PDE8B: variants seen among roughly 807,000 people sequenced by gnomAD.
PDE8B encodes the protein phosphodiesterase 8B, also known as high affinity cAMP-specific and IBMX-insensitive 3',5'-cyclic phosphodiesterase 8B.
Under a neutral mutation model 101.3 loss-of-function variants are expected in PDE8B, and 26 were observed. The observed-to-expected ratio is 0.26, with a 90% confidence interval of 0.19 to 0.36. The LOEUF is 0.36. Ranked by LOEUF, PDE8B falls within the 10% of genes least tolerant of loss-of-function variation. PDE8B has a pLI of 1.00. For synonymous variants in PDE8B, 424 were observed against 429.3 expected, an observed-to-expected ratio of 0.99 and a Z score of 0.15; for missense variants, 810 against 1,163.1, an observed-to-expected ratio of 0.70 and a Z score of 4.42.
chr5:77,177,517 T>C, the PDE8B span, among the ~76,000 whole-genome samples: 1 of 152,270 alleles, frequency 6.6e-6, no homozygotes, highest in South Asian at 2.1e-4. Context: ...CTGTAGGTCT[T>C]AGCGACCTCA....
chr5:77,375,909 T>TTTTTGA (rs1786018124), intron 10 of PDE8B, among the ~76,000 whole-genome samples: 2 of 147,438 alleles, frequency 1.4e-5, no homozygotes, highest in Admixed American at 6.8e-5. Context: ...TTTTTTTTTT[T>TTTTTGA]GAGGCGGAGT....
intron 10 of PDE8B, among the ~76,000 whole-genome samples, chr5:77,356,993 GT>G (rs1293999380): frequency 6.6e-6 from 1 of 152,190 alleles, no homozygotes; most frequent in Non-Finnish European, 1.5e-5. Context: ...ACTGTAACCA[GT>G]TTCCCAGGCC....
chr5:77,364,098 G>T (rs1348118058), intron 10 of PDE8B, among the ~76,000 whole-genome samples: 2 of 152,306 alleles, frequency 1.3e-5, no homozygotes, highest in African/African-American at 4.8e-5. Context: ...AGAATCCTGG[G>T]TCTCTTTTAT....
At chr5:77,230,899 T>C (rs1753432040) in intron 1 of PDE8B, among the ~76,000 whole-genome samples, 1 of 152,186 alleles carries the variant, frequency 6.6e-6, no homozygotes, top group African/African-American at 2.4e-5. Context: ...GCACCATTTT[T>C]TGCCACCACA....
intron 14 of PDE8B, chr5:77,410,484 C>T (rs1794333886): frequency 6.6e-6 from 1 of 152,232 alleles, no homozygotes; most frequent in Non-Finnish European, 1.5e-5. Flanking sequence ...ACCTAGTCCT[C>T]AATTTGGCCC....
the PDE8B span, chr5:77,148,354 T>G: frequency 6.6e-6 from 1 of 152,206 alleles, no homozygotes; most frequent in Non-Finnish European, 1.5e-5. Context: ...CATGTACAGT[T>G]TTGTGTGGAC....
At chr5:77,277,943 A>G (rs1764170643) in intron 1 of PDE8B, among the ~76,000 whole-genome samples, 1 of 152,228 alleles carries the variant, frequency 6.6e-6, no homozygotes, top group Non-Finnish European at 1.5e-5. Context: ...ATGTATGCCT[A>G]TCTTTCACAG....
the PDE8B span, among the ~76,000 whole-genome samples, chr5:77,194,666 T>G: frequency 6.6e-6 from 1 of 152,324 alleles, no homozygotes; most frequent in African/African-American, 2.4e-5. Flanking sequence ...TTGCCTATTC[T>G]AGATATTTCA....
chr5:77,299,305 G>A (rs1769350419), intron 1 of PDE8B, among the ~76,000 whole-genome samples: 1 of 151,802 alleles, frequency 6.6e-6, no homozygotes, highest in South Asian at 2.1e-4. Flanking sequence ...AAGTTTTAGG[G>A]TACATGTGCA....
chr5:77,298,350 C>A (rs950168045), intron 1 of PDE8B, among the ~76,000 whole-genome samples: 6 of 152,150 alleles, frequency 3.9e-5, no homozygotes, highest in African/African-American at 1.4e-4. Flanking sequence ...GCCTCTGTTA[C>A]CCTAAGTTTC....
At chr5:77,174,360 A>G in the PDE8B span, among the ~76,000 whole-genome samples, 1 of 152,024 alleles carries the variant, frequency 6.6e-6, no homozygotes, top group Non-Finnish European at 1.5e-5. Context: ...ATGATCCCTT[A>G]CCAAGTCCTA....
At chr5:77,260,581 C>CTTT (rs1561431905) in intron 1 of PDE8B, among the ~76,000 whole-genome samples, 4 of 131,406 alleles carry the variant, frequency 3.0e-5, no homozygotes, top group Non-Finnish European at 1.6e-5. Flanking sequence ...CACTGTGGCT[C>CTTT]ATTTTTTTTT....
chr5:77,244,273 C>CTA (rs956589484), intron 1 of PDE8B, among the ~76,000 whole-genome samples: 1 of 152,144 alleles, frequency 6.6e-6, no homozygotes, highest in Admixed American at 6.5e-5. Flanking sequence ...AGGCTCAGCT[C>CTA]TAGAGAGGAA....
At chr5:77,112,035 TA>T in the PDE8B span, 3 of 152,212 alleles carry the variant, frequency 2.0e-5, no homozygotes, top group Non-Finnish European at 4.4e-5. Flanking sequence ...TGTAATATGT[TA>T]AAATAGTATA....
At chr5:77,223,187 A>G (rs1751561187) in intron 1 of PDE8B, among the ~76,000 whole-genome samples, 1 of 152,090 alleles carries the variant, frequency 6.6e-6, no homozygotes, top group African/African-American at 2.4e-5. Context: ...TTTGACATGT[A>G]CTCAATATAA....
intron 10 of PDE8B, among the ~76,000 whole-genome samples, chr5:77,372,879 T>A (rs1785305237): frequency 6.6e-6 from 1 of 152,176 alleles, no homozygotes; most frequent in African/African-American, 2.4e-5. Context: ...AATACAAAAA[T>A]TAGCTGGGTG....
chr5:77,352,113 T>G (rs931893935), intron 9 of PDE8B, among the ~76,000 whole-genome samples: 1 of 152,214 alleles, frequency 6.6e-6, no homozygotes, highest in Non-Finnish European at 1.5e-5. Context: ...GCTCCCTTTT[T>G]GCTTCACTCT....
intron 5 of PDE8B, among the ~76,000 whole-genome samples, chr5:77,336,153 C>T (rs776920710): frequency 2.0e-5 from 3 of 152,170 alleles, no homozygotes; most frequent in Non-Finnish European, 4.4e-5. Flanking sequence ...GCTTATCTAT[C>T]TGTTCATTCA....
At chr5:77,202,763 G>A in the PDE8B span, among the ~76,000 whole-genome samples, 12 of 152,076 alleles carry the variant, frequency 7.9e-5, no homozygotes, top group Admixed American at 7.2e-4. Context: ...GGGACTACAG[G>A]GGTGTGCCAC....
Sources: gnomAD v4.1 joint callset for allele counts (sites outside exome capture counted in the v4.1 genomes callset) on GRCh38, gnomAD v4.1.1 for gene constraint, MANE v1.5 for transcripts, NCBI Gene and HGNC (gene_info 2026-07-23, HGNC 2026-07-21) for gene names.